JARID2: variants seen among roughly 807,000 people sequenced by gnomAD.
JARID2 encodes the protein protein Jumonji.
JARID2 carries 21 observed loss-of-function variants against 125.6 expected under a neutral mutation model. The observed-to-expected ratio is 0.17, with a 90% CI of 0.12 to 0.24. The LOEUF is 0.24. Ranked by LOEUF, JARID2 falls within the 10% of genes least tolerant of loss-of-function variation. The pLI, the probability that JARID2 is intolerant of heterozygous loss-of-function variation, is 1.00. For synonymous variants in JARID2, 736 were observed against 661.6 expected, an observed-to-expected ratio of 1.11 and a Z score of -1.73; for missense variants, 1,303 against 1,639.6, an observed-to-expected ratio of 0.79 and a Z score of 3.55.
At chr6:15,311,739 T>C (rs1762021079) in intron 1 of JARID2, among the ~76,000 whole-genome samples, 1 of 152,098 alleles carries the variant, frequency 6.6e-6, no homozygotes, top group South Asian at 2.1e-4. Context: ...GTAACTGTTT[T>C]TTTTTTTTCT....
At chr6:15,355,114 A>G (rs1337964058) in intron 1 of JARID2, among the ~76,000 whole-genome samples, 1 of 152,168 alleles carries the variant, frequency 6.6e-6, no homozygotes, top group African/African-American at 2.4e-5. Flanking sequence ...AGGAGAGAAA[A>G]CCTTACACAT....
intron 1 of JARID2, among the ~76,000 whole-genome samples, chr6:15,300,716 T>TGAGAGA (rs1561779548): frequency 7.2e-6 from 1 of 139,532 alleles, no homozygotes; most frequent in Non-Finnish European, 1.5e-5. Flanking sequence ...TGTGTGTGTG[T>TGAGAGA]GTGTGTGAGA....
intron 1 of JARID2, among the ~76,000 whole-genome samples, chr6:15,279,786 C>A (rs1756133268): frequency 6.6e-6 from 1 of 152,164 alleles, no homozygotes; most frequent in African/African-American, 2.4e-5. Flanking sequence ...TTCTCATTAG[C>A]CCCTATCGTC....
intron 1 of JARID2, among the ~76,000 whole-genome samples, chr6:15,308,670 A>G (rs1392187032): frequency 6.6e-6 from 1 of 152,162 alleles, no homozygotes; most frequent in Non-Finnish European, 1.5e-5. Flanking sequence ...CTTATTATGT[A>G]TTTGTTACTG....
intron 13 of JARID2, 31 bp from the exon 14 acceptor site, chr6:15,512,177 G>A (rs1771312037): frequency 1.9e-6 from 3 of 1,603,144 alleles, no homozygotes; most frequent in South Asian, 2.2e-5. Flanking sequence ...CGCACAGGGA[G>A]GGGTGCCTCA....
At chr6:15,452,295 T>G (rs555358984) in intron 4 of JARID2, 120 bp downstream of exon 4, 2 of 1,416,834 alleles carry the variant, frequency 1.4e-6, no homozygotes, top group East Asian at 4.9e-5. Context: ...CCAACCTGGG[T>G]TGAGGGGGAA....
At chr6:15,399,701 C>T (rs1171883520) in intron 2 of JARID2, among the ~76,000 whole-genome samples, 1 of 152,150 alleles carries the variant, frequency 6.6e-6, no homozygotes, top group Non-Finnish European at 1.5e-5. Flanking sequence ...AAATAAGTTA[C>T]TGTGTGTGAA....
At chr6:15,517,573 C>T (rs1377845135) in intron 17 of JARID2, among the ~76,000 whole-genome samples, 7 of 152,226 alleles carry the variant, frequency 4.6e-5, no homozygotes, top group Non-Finnish European at 8.8e-5. Flanking sequence ...GACCCAGACC[C>T]TTTTTTGTGA....
intron 2 of JARID2, among the ~76,000 whole-genome samples, chr6:15,377,775 A>G (rs976459694): frequency 6.6e-6 from 1 of 151,246 alleles, no homozygotes; most frequent in Non-Finnish European, 1.5e-5. Context: ...GTTGTGATCT[A>G]CCTGCTTCGG....
At chr6:15,466,825 CCTGA>C (rs1333926607) in intron 4 of JARID2, among the ~76,000 whole-genome samples, 3 of 152,154 alleles carry the variant, frequency 2.0e-5, no homozygotes, top group South Asian at 4.1e-4. Context: ...TCTTTTAACT[CCTGA>C]CTGTTTATTT....
In JARID2 at chr6:15,468,722, G is replaced by A. The variant is rs748222246; in HGVS notation, c.670+4G>A. 95 of 1,604,178 alleles carry A rather than the reference G, an allele frequency of 5.9e-5. No homozygotes were observed. The highest frequency in any genetic ancestry group is 7.4e-5 in the Non-Finnish European group (87 of 1,175,006). On this transcript the variant is annotated splice_donor_region_variant and intron_variant, in intron 5 of 17. Transcript: ENST00000341776. ...AAACATGTTCACAACGGGCATGGTA[G>A]GTCCACCGTTGAACTTGGATAAGAA...
intron 1 of JARID2, chr6:15,369,283 A>G (rs753611402): frequency 2.2e-6 from 1 of 459,086 alleles, no homozygotes; most frequent in Non-Finnish European, 4.5e-6. Flanking sequence ...CACTTGGCAC[A>G]GTGTTTTTTA....
intron 2 of JARID2, among the ~76,000 whole-genome samples, chr6:15,386,729 A>G (rs1764802926): frequency 6.6e-6 from 1 of 152,252 alleles, no homozygotes; most frequent in Non-Finnish European, 1.5e-5. Context: ...TTTGTCCAGA[A>G]TGTGCCGAAT....
At chr6:15,248,770 T>A (rs1017622372) in intron 1 of JARID2, 1 of 251,654 alleles carries the variant, frequency 4.0e-6, no homozygotes, top group Non-Finnish European at 6.3e-6. Flanking sequence ...CGGGCTCGGG[T>A]GGAACCTTCC....
intron 3 of JARID2, among the ~76,000 whole-genome samples, chr6:15,439,386 G>A (rs1245966988): frequency 1.3e-5 from 2 of 152,084 alleles, no homozygotes; most frequent in African/African-American, 2.4e-5. Context: ...TTCACTCCTG[G>A]TTATACTTTT....
chr6:15,455,509 T>C (rs1379480902), intron 4 of JARID2, among the ~76,000 whole-genome samples: 3 of 152,150 alleles, frequency 2.0e-5, no homozygotes, highest in Admixed American at 6.6e-5. Flanking sequence ...TTTCTAAATA[T>C]GCATGGCTTT....
chr6:15,364,941 T>C (rs959419455), intron 1 of JARID2, among the ~76,000 whole-genome samples: 1 of 152,230 alleles, frequency 6.6e-6, no homozygotes, highest in Non-Finnish European at 1.5e-5. Context: ...TACATGTGAC[T>C]AGTGGCTACT....
chr6:15,508,243 T>C (rs1197276606), intron 11 of JARID2, 97 bp from the exon 12 acceptor site: 3 of 693,540 alleles, frequency 4.3e-6, no homozygotes, highest in Non-Finnish European at 2.6e-6. Flanking sequence ...TTCTTTTCCT[T>C]CTTGTTTTAG....
chr6:15,413,008 G>GGTTTT (rs1491143647), intron 3 of JARID2, among the ~76,000 whole-genome samples: 1 of 47,474 alleles, frequency 2.1e-5, no homozygotes, highest in Non-Finnish European at 3.7e-5. Flanking sequence ...TTGTGTTTTT[G>GGTTTT]TTTTTTTTTT....
Sources: allele counts gnomAD v4.1 joint callset (sites outside exome capture counted in the v4.1 genomes callset), GRCh38; gene constraint gnomAD v4.1.1; transcripts MANE v1.5; gene names NCBI Gene and HGNC (gene_info 2026-07-23, HGNC 2026-07-21).